The following PLCB4 variants were observed in gnomAD, a reference collection of about 807,000 sequenced individuals.
PLCB4 encodes the protein phospholipase C beta 4.
Under a neutral mutation model 178.8 loss-of-function variants are expected in PLCB4, and 77 were observed. The ratio of observed to expected loss-of-function variants is 0.43; its 90% CI spans 0.36 to 0.52. PLCB4 has a LOEUF of 0.52. Among genes scored for constraint, PLCB4 ranks in the 20% least tolerant of loss-of-function variants. The pLI is 0.00. For missense variants in PLCB4, 1,024 were observed against 1,453.4 expected (o/e 0.70, Z 4.80); for synonymous variants, 496 against 490.8 (o/e 1.01, Z -0.14).
intron 7 of PLCB4, among the ~76,000 whole-genome samples, chr20:9,350,036 A>G (rs144324924): frequency 3.0e-4 from 45 of 152,324 alleles, no homozygotes; most frequent in African/African-American, 9.9e-4. Flanking sequence ...TTTAATGATC[A>G]TAATCTGGGG....
At chr20:9,433,002 G>T (rs190678040) in intron 28 of PLCB4, among the ~76,000 whole-genome samples, 110 of 152,206 alleles carry the variant, frequency 7.2e-4, no homozygotes, top group Middle Eastern at 3.4e-3. Context: ...GAATTGTTGT[G>T]AAGAGAGATA....
chr20:9,370,409 C>T (rs909928654), intron 9 of PLCB4, among the ~76,000 whole-genome samples: 4 of 152,020 alleles, frequency 2.6e-5, no homozygotes, highest in South Asian at 2.1e-4. Context: ...TGATCACGCC[C>T]GTGTCAACTG....
chr20:9,465,999 A>T (rs1362073216), intron 35 of PLCB4, among the ~76,000 whole-genome samples: 1 of 152,234 alleles, frequency 6.6e-6, no homozygotes, highest in Non-Finnish European at 1.5e-5. Context: ...CAAAAAGAAC[A>T]AAGCTGGAGG....
intron 2 of PLCB4, among the ~76,000 whole-genome samples, chr20:9,099,029 A>G (rs968909714): frequency 9.2e-5 from 14 of 151,894 alleles, no homozygotes; most frequent in African/African-American, 3.4e-4. Flanking sequence ...CTGAATTAAG[A>G]GGTGCTTTTT....
chr20:9,420,198 G>GA (rs1190161327), intron 26 of PLCB4, among the ~76,000 whole-genome samples: 4 of 151,970 alleles, frequency 2.6e-5, no homozygotes, highest in Non-Finnish European at 4.4e-5. Flanking sequence ...GATGGCCTTT[G>GA]AAAAAAGGGC....
At chr20:9,431,827 G>T in intron 28 of PLCB4, among the ~76,000 whole-genome samples, 1 of 151,760 alleles carries the variant, frequency 6.6e-6, no homozygotes, top group African/African-American at 2.4e-5. Context: ...TATTTTCTTA[G>T]TACTCCTTCC....
At position 9,213,358 on chromosome 20, in the gene PLCB4, TG is replaced by T. The variant is rs374852465; in HGVS notation, c.-78-4030del. On this transcript the variant is annotated intron_variant, in intron 2 of 39. Coordinates refer to ENST00000378473, the MANE Select transcript of PLCB4 (RefSeq NM_001377142.1). ...CAGGATTTCACTATGTTGGCTAGGCTGGTCTTGAACTCCTGACCTTAGGTGA... is the reference window on the plus strand; with the variant it reads ...CAGGATTTCACTATGTTGGCTAGGCTGTCTTGAACTCCTGACCTTAGGTGA... 1.9e-4 allele frequency among the ~76,000 whole-genome samples: 27 copies of T among 141,226 alleles called. No homozygotes were observed. In the East Asian group the frequency reaches 4.8e-3, roughly 25 times the overall value. 92.6% of individuals were successfully genotyped at this position (141,226 alleles called of 152,430 possible).
chr20:9,451,137 G>A (rs2042745676), intron 32 of PLCB4, among the ~76,000 whole-genome samples: 1 of 152,158 alleles, frequency 6.6e-6, no homozygotes, highest in African/African-American at 2.4e-5. Flanking sequence ...TTTGTGCCAT[G>A]TACTGGTAAA....
chr20:9,204,720 T>G (rs1371695009), intron 2 of PLCB4, among the ~76,000 whole-genome samples: 1 of 152,114 alleles, frequency 6.6e-6, no homozygotes, highest in Non-Finnish European at 1.5e-5. Flanking sequence ...AGTAAAGCTA[T>G]ATGTCATGTT....
chr20:9,183,198 T>G (rs1175102463), intron 2 of PLCB4, among the ~76,000 whole-genome samples: 2 of 152,068 alleles, frequency 1.3e-5, no homozygotes, highest in African/African-American at 4.8e-5. Flanking sequence ...GGCTCACCTA[T>G]CTCGTGAAAA....
At chr20:9,190,086 AT>A (rs956395910) in intron 2 of PLCB4, among the ~76,000 whole-genome samples, 2 of 152,176 alleles carry the variant, frequency 1.3e-5, no homozygotes, top group African/African-American at 4.8e-5. Context: ...GACTTTGTTA[AT>A]TTGAGTGGTT....
At chr20:9,401,076 C>G (rs1003715482) in intron 19 of PLCB4, among the ~76,000 whole-genome samples, 1 of 152,082 alleles carries the variant, frequency 6.6e-6, no homozygotes, top group African/African-American at 2.4e-5. Context: ...CAAAATTATC[C>G]GATGTATTTG....
intron 34 of PLCB4, among the ~76,000 whole-genome samples, chr20:9,459,351 A>AAAC (rs1568884492): frequency 1.1e-3 from 172 of 152,090 alleles, no homozygotes; most frequent in African/African-American, 4.1e-3. Flanking sequence ...CTAAAAAAAC[A>AAAC]AAACAAACAA....
At chr20:9,465,749 G>A (rs966949116) in intron 35 of PLCB4, among the ~76,000 whole-genome samples, 4 of 152,124 alleles carry the variant, frequency 2.6e-5, no homozygotes, top group Non-Finnish European at 5.9e-5. Flanking sequence ...ACCTCTTCAA[G>A]GAGAGCTACA....
intron 3 of PLCB4, among the ~76,000 whole-genome samples, chr20:9,243,748 G>A (rs985109831): frequency 2.0e-5 from 3 of 152,174 alleles, no homozygotes; most frequent in Admixed American, 6.5e-5. Flanking sequence ...AGACCGCATG[G>A]ATTCAAATCC....
At chr20:9,379,720 A>G (rs1394179038) in intron 12 of PLCB4, among the ~76,000 whole-genome samples, 2 of 152,096 alleles carry the variant, frequency 1.3e-5, no homozygotes, top group Admixed American at 6.6e-5. Flanking sequence ...CGTTTTATAG[A>G]TATTCATGCC....
At chr20:9,326,122 A>T (rs1363122647) in intron 4 of PLCB4, among the ~76,000 whole-genome samples, 1 of 152,228 alleles carries the variant, frequency 6.6e-6, no homozygotes, top group African/African-American at 2.4e-5. Context: ...ATTTGGGATT[A>T]GGATTTCAGC....
At chr20:9,076,253 A>G (rs2089860239) in intron 1 of PLCB4, among the ~76,000 whole-genome samples, 1 of 152,058 alleles carries the variant, frequency 6.6e-6, no homozygotes, top group Admixed American at 6.6e-5. Flanking sequence ...GGTCACTTGA[A>G]GTCAGGAGTT....
chr20:9,082,446 T>A (rs1444248403), intron 1 of PLCB4, among the ~76,000 whole-genome samples: 1 of 152,132 alleles, frequency 6.6e-6, no homozygotes. Flanking sequence ...CAGGCCCCCC[T>A]CCCCAAGCTT....
Sources: gnomAD v4.1 joint callset for allele counts (sites outside exome capture counted in the v4.1 genomes callset) on GRCh38, gnomAD v4.1.1 for gene constraint, MANE v1.5 for transcripts, NCBI Gene and HGNC (gene_info 2026-07-23, HGNC 2026-07-21) for gene names.